The following FLYWCH1 variants were observed in gnomAD, a reference collection of about 807,000 sequenced individuals.
FLYWCH1 encodes the protein FLYWCH-type zinc finger 1.
Under a neutral mutation model 66.4 loss-of-function variants are expected in FLYWCH1, and 75 were observed. The observed-to-expected ratio is 1.13, with a 90% confidence interval of 0.94 to 1.37. The LOEUF is 1.37. Ranked by LOEUF, FLYWCH1 falls within the 40% of genes most tolerant of loss-of-function variation. FLYWCH1 has a pLI of 0.00. For synonymous variants in FLYWCH1, 595 were observed against 429.9 expected (o/e 1.38, Z -4.75); for missense variants, 1,334 against 1,001.8 (o/e 1.33, Z -4.48).
intron 2 of FLYWCH1, among the ~76,000 whole-genome samples, chr16:2,918,630 G>C (rs949782872): frequency 1.3e-5 from 2 of 151,196 alleles, no homozygotes; most frequent in Non-Finnish European, 2.9e-5. Context: ...CAGTAGAGAC[G>C]GGGTTTCTCC....
chr16:2,927,289 A>T (rs906863723), intron 2 of FLYWCH1, among the ~76,000 whole-genome samples: 2 of 152,122 alleles, frequency 1.3e-5, no homozygotes, highest in East Asian at 3.8e-4. Context: ...AAACAGGGAG[A>T]TCTTGAGGCG....
intron 9 of FLYWCH1, among the ~76,000 whole-genome samples, chr16:2,947,900 A>G (rs182053676): frequency 1.3e-4 from 20 of 150,152 alleles, no homozygotes; most frequent in Non-Finnish European, 2.1e-4. Flanking sequence ...AATTAGCCAG[A>G]TGTGGTGGTG....
intron 9 of FLYWCH1, among the ~76,000 whole-genome samples, chr16:2,945,870 G>A (rs1226808802): frequency 1.3e-5 from 2 of 152,014 alleles, no homozygotes; most frequent in Non-Finnish European, 2.9e-5. Context: ...GGTGGCAGGT[G>A]CCTGTAGTCC....
At chr16:2,943,257 C>T (rs986380487) in intron 9 of FLYWCH1, 1 of 152,108 alleles carries the variant, frequency 6.6e-6, no homozygotes, top group African/African-American at 2.4e-5. Context: ...CATGTCACAG[C>T]TCGAGGCTGG....
Position 2,937,280 on chromosome 16 carries a change from G to T in FLYWCH1, c.1673G>T (p.Arg558Leu), listed in dbSNP as rs753656017. The change falls in exon 7 of 10, where the codon CGG becomes CTG. Residue 558 changes from arginine (R) to leucine (L), a missense_variant. Physicochemically the swap from Arg to Leu is moderately radical, Grantham distance 102. Coordinates refer to ENST00000253928, the MANE Select transcript of FLYWCH1 (RefSeq NM_001308068.2). ...CRSRAITQGR[R>L]VMVMRRHCHP... ...AGCCGCGCCATCACCCAGGGCCGGC[G>T]GGTCATGGTCATGCGCAGGCACTGC... 1.1e-5 allele frequency: 18 copies of T among 1,605,254 alleles called. No homozygotes were observed. In the African/African-American group the frequency reaches 2.0e-4, roughly 18 times the overall value.
chr16:2,940,000 A>T, intron 8 of FLYWCH1, 32 bp from the exon 9 acceptor site: 1 of 1,574,834 alleles, frequency 6.3e-7, no homozygotes, highest in Non-Finnish European at 8.6e-7. Flanking sequence ...GAGAAGAATT[A>T]TTAATTCATA....
At chr16:2,920,429 C>G (rs919522896) in intron 2 of FLYWCH1, among the ~76,000 whole-genome samples, 1 of 151,604 alleles carries the variant, frequency 6.6e-6, no homozygotes, top group Non-Finnish European at 1.5e-5. Flanking sequence ...GCCTGAGAAT[C>G]GCTTGACCCA....
intron 2 of FLYWCH1, among the ~76,000 whole-genome samples, chr16:2,924,262 G>A (rs899155212): frequency 1.4e-4 from 22 of 151,904 alleles, no homozygotes; most frequent in African/African-American, 5.3e-4. Flanking sequence ...CCCGGGAGGC[G>A]GAGCTTTGCA....
chr16:2,917,960 C>T (rs1315065875), intron 2 of FLYWCH1, among the ~76,000 whole-genome samples: 1 of 151,748 alleles, frequency 6.6e-6, no homozygotes, highest in Non-Finnish European at 1.5e-5. Context: ...GCCTCAGCCT[C>T]CTGAGTAGCT....
chr16:2,936,764 C>A (rs1407254121), intron 6 of FLYWCH1: 1 of 498,412 alleles, frequency 2.0e-6, no homozygotes, highest in Admixed American at 2.3e-5. Context: ...CCCAGAGGGC[C>A]CCGGGTCATT....
At chr16:2,939,817 T>C in intron 8 of FLYWCH1, 1 of 463,232 alleles carries the variant, frequency 2.2e-6, no homozygotes. Context: ...CCCCACTATT[T>C]TCCATGACAG....
At position 2,929,742 on chromosome 16, in the gene FLYWCH1, G is replaced by A; in HGVS notation, c.57G>A (p.Glu19=). 6.2e-7 allele frequency: 1 copy of A among 1,613,784 alleles called. No individual in the cohort carries two copies. ...QEGESVKAGQ[E]PSPKPGTDVI... Reference sequence around the variant, plus strand: ...GCGAGAGTGTGAAGGCCGGCCAGGAGCCATCCCCCAAGCCAGGCACGGACG... The same window carrying A: ...GCGAGAGTGTGAAGGCCGGCCAGGAACCATCCCCCAAGCCAGGCACGGACG... The change falls in exon 3 of 10, where the codon GAG becomes GAA. Residue 19 remains glutamate (E), a synonymous_variant. Coordinates refer to ENST00000253928, the MANE Select transcript of FLYWCH1 (RefSeq NM_001308068.2).
intron 2 of FLYWCH1, among the ~76,000 whole-genome samples, chr16:2,921,474 AT>A (rs2070373192): frequency 6.6e-6 from 1 of 152,050 alleles, no homozygotes; most frequent in Non-Finnish European, 1.5e-5. Flanking sequence ...AGGTGGGAGG[AT>A]CGCTTGATCC....
chr16:2,929,198 G>C (rs1156812881), intron 2 of FLYWCH1, among the ~76,000 whole-genome samples: 1 of 152,200 alleles, frequency 6.6e-6, no homozygotes, highest in Admixed American at 6.5e-5. Context: ...TCAGCCTCAA[G>C]TGTATCACAG....
chr16:2,934,096 T>C (rs1164091089), intron 6 of FLYWCH1, 117 bp downstream of exon 6: 7 of 1,269,808 alleles, frequency 5.5e-6, no homozygotes, highest in Non-Finnish European at 7.4e-6. Flanking sequence ...TCTTTGAACA[T>C]CCTAGAAGGA....
chr16:2,942,720 C>CTTTTTTTTT (rs34247000), intron 9 of FLYWCH1, among the ~76,000 whole-genome samples: 7 of 82,786 alleles, frequency 8.5e-5, no homozygotes, highest in African/African-American at 2.0e-4. Context: ...CATCTGGGAA[C>CTTTTTTTTT]TTTTTTTTTT....
At position 2,930,545 on chromosome 16, in the gene FLYWCH1, G is replaced by C. The variant is rs991017911; in HGVS notation, c.461G>C (p.Gly154Ala). 1 of 1,549,470 alleles carries C rather than the reference G, an allele frequency of 6.5e-7. No individual in the cohort carries two copies. Among genetic ancestry groups the C allele is most frequent in the Non-Finnish European group, 8.7e-7 (1 of 1,151,650 alleles). Residue 154 changes from glycine to alanine, a missense_variant, in exon 4 of 10, where the codon GGC (glycine) becomes GCC (alanine). Coordinates refer to ENST00000253928, the MANE Select transcript of FLYWCH1 (RefSeq NM_001308068.2). ...AAGTGCCGCCAACATGCTGAGCTGG[G>C]CTGCCGGGGCCGGGCCATCACCCGA... ...YWKCRQHAEL[G>A]CRGRAITRGL...
chr16:2,934,886 C>T (rs1738854251), intron 6 of FLYWCH1: 2 of 248,732 alleles, frequency 8.0e-6, no homozygotes, highest in East Asian at 1.4e-4. Context: ...TTTCCATTTC[C>T]TTGTCAGCTA....
chr16:2,918,308 C>T (rs1426668434), intron 2 of FLYWCH1, among the ~76,000 whole-genome samples: 1 of 151,954 alleles, frequency 6.6e-6, no homozygotes, highest in Non-Finnish European at 1.5e-5. Flanking sequence ...CCACCGCGCC[C>T]AGCTAATTTT....
Sources: gnomAD v4.1 joint callset for allele counts (sites outside exome capture counted in the v4.1 genomes callset) on GRCh38, gnomAD v4.1.1 for gene constraint, MANE v1.5 for transcripts, NCBI Gene and HGNC (gene_info 2026-07-23, HGNC 2026-07-21) for gene names.